The following GALNT1 variants were observed in gnomAD, a reference collection of about 807,000 sequenced individuals.
GALNT1 encodes the protein GalNAc transferase 1.
GALNT1 carries 17 observed loss-of-function variants against 65.7 expected under a neutral mutation model. The ratio of observed to expected loss-of-function variants is 0.26; its 90% CI spans 0.18 to 0.39. GALNT1 has a LOEUF of 0.39. Ranked by LOEUF, GALNT1 falls within the 10% of genes least tolerant of loss-of-function variation. The probability of loss-of-function intolerance (pLI) is 1.00; values close to 1 mark genes in which losing one functional copy is unlikely to be tolerated. For synonymous variants in GALNT1, 210 were observed against 219.7 expected (o/e 0.96, Z 0.39); for missense variants, 460 against 672.8 (o/e 0.68, Z 3.50).
intron 1 of GALNT1, among the ~76,000 whole-genome samples, chr18:35,586,151 G>A (rs2046375870): frequency 6.6e-6 from 1 of 152,208 alleles, no homozygotes; most frequent in African/African-American, 2.4e-5. Context: ...TCTGATAGGT[G>A]TATAGGGATG....
intron 1 of GALNT1, among the ~76,000 whole-genome samples, chr18:35,642,720 G>T (rs554151139): frequency 1.3e-5 from 2 of 152,108 alleles, no homozygotes; most frequent in Non-Finnish European, 2.9e-5. Flanking sequence ...CTCATCAGCA[G>T]ACTAGAAGCT....
At chr18:35,646,170 A>T (rs947985154) in intron 1 of GALNT1, among the ~76,000 whole-genome samples, 1 of 152,164 alleles carries the variant, frequency 6.6e-6, no homozygotes, top group Admixed American at 6.5e-5. Context: ...AGCAGGAGAG[A>T]GAAAGAGGTG....
intron 1 of GALNT1, among the ~76,000 whole-genome samples, chr18:35,611,298 T>C (rs1205493720): frequency 6.6e-6 from 1 of 152,166 alleles, no homozygotes; most frequent in African/African-American, 2.4e-5. Context: ...GCTACTAAAT[T>C]GGCCAAGGGA....
chr18:35,690,071 A>G (rs1400782426), intron 7 of GALNT1, among the ~76,000 whole-genome samples: 2 of 152,122 alleles, frequency 1.3e-5, no homozygotes, highest in Non-Finnish European at 2.9e-5. Flanking sequence ...ATTTAACAAA[A>G]TCAGAACTTT....
chr18:35,595,655 A>G (rs1389419074), intron 1 of GALNT1, among the ~76,000 whole-genome samples: 1 of 152,228 alleles, frequency 6.6e-6, no homozygotes, highest in African/African-American at 2.4e-5. Context: ...TACTCTTGGC[A>G]GAGTGGGACA....
At chr18:35,661,960 G>C (rs937601764) in intron 2 of GALNT1, among the ~76,000 whole-genome samples, 13 of 152,000 alleles carry the variant, frequency 8.6e-5, no homozygotes, top group African/African-American at 3.1e-4. Context: ...TACTCTTTAT[G>C]TTATCTGTGC....
intron 2 of GALNT1, among the ~76,000 whole-genome samples, chr18:35,659,467 G>T (rs752243296): frequency 3.3e-5 from 5 of 152,210 alleles, no homozygotes; most frequent in Admixed American, 6.5e-5. Flanking sequence ...TTCTGCTGCT[G>T]CTAGAGTTAG....
At chr18:35,663,901 T>G in intron 3 of GALNT1, 99 bp downstream of exon 3, 1 of 1,079,370 alleles carries the variant, frequency 9.3e-7, no homozygotes, top group East Asian at 2.4e-5. Flanking sequence ...AAGGCAAATG[T>G]TATATCACTA....
chr18:35,581,349 C>T (rs1738162667), upstream of GALNT1: 1 of 150,846 alleles, frequency 6.6e-6, no homozygotes, highest in Admixed American at 6.6e-5. Flanking sequence ...GGAGGGGCGC[C>T]GCGCCCGACC....
intron 11 of GALNT1, among the ~76,000 whole-genome samples, chr18:35,706,915 A>C (rs925735699): frequency 4.0e-4 from 61 of 152,196 alleles, no homozygotes; most frequent in Non-Finnish European, 7.8e-4. Context: ...ATTTCAAAGC[A>C]ACCCTAGAAA....
intron 1 of GALNT1, among the ~76,000 whole-genome samples, chr18:35,605,669 T>C (rs893554809): frequency 1.3e-5 from 2 of 152,024 alleles, no homozygotes; most frequent in African/African-American, 2.4e-5. Flanking sequence ...ATTTCTAATA[T>C]GTATAGAAGT....
At chr18:35,701,650 G>C (rs976195504) in intron 9 of GALNT1, among the ~76,000 whole-genome samples, 20 of 152,300 alleles carry the variant, frequency 1.3e-4, no homozygotes, top group Admixed American at 2.0e-4. Context: ...AATTGGACAA[G>C]TTGTGGGAAT....
At chr18:35,644,120 A>C (rs893998511) in intron 1 of GALNT1, among the ~76,000 whole-genome samples, 1 of 152,210 alleles carries the variant, frequency 6.6e-6, no homozygotes, top group African/African-American at 2.4e-5. Flanking sequence ...CCAAATGATA[A>C]GCTTGTTCTT....
intron 1 of GALNT1, among the ~76,000 whole-genome samples, chr18:35,624,598 A>T (rs764142958): frequency 1.3e-5 from 2 of 152,158 alleles, no homozygotes; most frequent in Non-Finnish European, 2.9e-5. Flanking sequence ...TGCTGTCTAT[A>T]GGTGTGGTTT....
intron 4 of GALNT1, among the ~76,000 whole-genome samples, chr18:35,682,479 G>T (rs1408882218): frequency 6.6e-6 from 1 of 152,074 alleles, no homozygotes; most frequent in Non-Finnish European, 1.5e-5. Context: ...CATACTTATT[G>T]TATGGTGACT....
chr18:35,645,622 C>A (rs529714446), intron 1 of GALNT1, among the ~76,000 whole-genome samples: 4 of 152,248 alleles, frequency 2.6e-5, no homozygotes, highest in African/African-American at 9.6e-5. Context: ...CTTATGAAAT[C>A]AATAATTAGC....
chr18:35,635,624 A>G (rs1568020634), intron 1 of GALNT1, among the ~76,000 whole-genome samples: 1 of 152,160 alleles, frequency 6.6e-6, no homozygotes, highest in African/African-American at 2.4e-5. Context: ...GATTTGTTGA[A>G]TGCAATATTT....
In GALNT1 at chr18:35,622,703, T is replaced by G. The variant is rs187214550; in HGVS notation, c.-103-31857T>G. 1.1e-3 allele frequency among the ~76,000 whole-genome samples: 161 copies of G among 152,344 alleles called. 2 individuals carry two copies. Among genetic ancestry groups the G allele is most frequent in the African/African-American group, 3.7e-3 (152 of 41,588 alleles). ...TTTTTGTTCGTTTTCTTCTTTCTGA[T>G]TCTAAATCTCTTTTTTTTTCCTTCT... On this transcript the variant is annotated intron_variant, in intron 1 of 11. Coordinates refer to ENST00000269195, the MANE Select transcript of GALNT1 (RefSeq NM_020474.4).
chr18:35,696,675 C>A (rs993829777), intron 9 of GALNT1, among the ~76,000 whole-genome samples: 3 of 152,152 alleles, frequency 2.0e-5, no homozygotes, highest in Non-Finnish European at 4.4e-5. Context: ...AATATTAAAG[C>A]ACAACACTAT....
Sources: allele counts gnomAD v4.1 joint callset (sites outside exome capture counted in the v4.1 genomes callset), GRCh38; gene constraint gnomAD v4.1.1; transcripts MANE v1.5; gene names NCBI Gene and HGNC (gene_info 2026-07-23, HGNC 2026-07-21).